MSI2: variants seen among roughly 807,000 people sequenced by gnomAD.
The protein encoded by MSI2 is musashi RNA binding protein 2.
In MSI2, 17 loss-of-function variants were observed where a neutral mutation model predicts 45.6. That is an observed-to-expected ratio of 0.37 (90% CI 0.26 to 0.56). MSI2 has a LOEUF of 0.56. Among genes scored for constraint, MSI2 ranks in the 20% least tolerant of loss-of-function variants. The pLI, the probability that MSI2 is intolerant of heterozygous loss-of-function variation, is 0.77. For missense variants in MSI2, 293 were observed against 444.2 expected (o/e 0.66, Z 3.06); for synonymous variants, 156 against 158.2 (o/e 0.99, Z 0.11).
intron 5 of MSI2, among the ~76,000 whole-genome samples, chr17:57,334,112 A>C (rs751318873): frequency 2.0e-5 from 3 of 152,170 alleles, no homozygotes; most frequent in Non-Finnish European, 4.4e-5. Flanking sequence ...TTTGCTGAAC[A>C]CACGGATGCG....
At chr17:57,569,362 T>C (rs1287101105) in intron 7 of MSI2, among the ~76,000 whole-genome samples, 1 of 152,196 alleles carries the variant, frequency 6.6e-6, no homozygotes, top group Non-Finnish European at 1.5e-5. Context: ...AGAAAAGGCA[T>C]CTCTGCCCCA....
At chr17:57,602,415 C>T (rs1479358889) in intron 8 of MSI2, among the ~76,000 whole-genome samples, 1 of 152,130 alleles carries the variant, frequency 6.6e-6, no homozygotes. Flanking sequence ...TGCAGTGGCA[C>T]GATCTCGGCT....
At chr17:57,422,813 G>A (rs1004712811) in intron 6 of MSI2, among the ~76,000 whole-genome samples, 5 of 152,172 alleles carry the variant, frequency 3.3e-5, no homozygotes, top group African/African-American at 1.2e-4. Flanking sequence ...CTTTGTCAAA[G>A]ATTAGGCAAC....
intron 6 of MSI2, among the ~76,000 whole-genome samples, chr17:57,498,509 C>G (rs1024177405): frequency 2.0e-5 from 3 of 152,214 alleles, no homozygotes; most frequent in African/African-American, 7.2e-5. Context: ...TGGTGGAGAT[C>G]ATCTCTCCGA....
At chr17:57,425,328 A>G (rs1869712989) in intron 6 of MSI2, among the ~76,000 whole-genome samples, 1 of 152,222 alleles carries the variant, frequency 6.6e-6, no homozygotes, top group African/African-American at 2.4e-5. Context: ...AAACGAAAAG[A>G]CATACTAGAA....
At chr17:57,305,003 C>T (rs1259585117) in intron 5 of MSI2, among the ~76,000 whole-genome samples, 1 of 152,158 alleles carries the variant, frequency 6.6e-6, no homozygotes. Context: ...AAAAATAAGA[C>T]AAGCCAGGTC....
chr17:57,309,903 G>A (rs1323727511), intron 5 of MSI2, among the ~76,000 whole-genome samples: 3 of 152,292 alleles, frequency 2.0e-5, no homozygotes, highest in East Asian at 1.9e-4. Flanking sequence ...GGCCTGCCAC[G>A]AGAAGCTGGC....
chr17:57,547,339 A>T (rs1471883502), intron 7 of MSI2, among the ~76,000 whole-genome samples: 1 of 152,172 alleles, frequency 6.6e-6, no homozygotes, highest in Non-Finnish European at 1.5e-5. Flanking sequence ...CTCTAGAAAG[A>T]TCCCAGTGGC....
chr17:57,333,587 G>T (rs1218511973), intron 5 of MSI2, among the ~76,000 whole-genome samples: 1 of 151,990 alleles, frequency 6.6e-6, no homozygotes, highest in African/African-American at 2.4e-5. Flanking sequence ...ACAGGTGTGT[G>T]CCACCACACC....
chr17:57,397,313 A>T (rs1298316460), intron 5 of MSI2, among the ~76,000 whole-genome samples: 2 of 152,198 alleles, frequency 1.3e-5, no homozygotes, highest in African/African-American at 4.8e-5. Context: ...CAGCCTTCTC[A>T]CTGTATCCAG....
chr17:57,352,536 A>G (rs1475393743), intron 5 of MSI2, among the ~76,000 whole-genome samples: 1 of 152,190 alleles, frequency 6.6e-6, no homozygotes, highest in Non-Finnish European at 1.5e-5. Context: ...GTTTGTTCGG[A>G]CTCACACACT....
chr17:57,372,790 T>C (rs1598182602), intron 5 of MSI2, among the ~76,000 whole-genome samples: 1 of 152,356 alleles, frequency 6.6e-6, no homozygotes, highest in Admixed American at 6.5e-5. Flanking sequence ...TGAAGTTTTC[T>C]TACCTGGCAA....
intron 6 of MSI2, among the ~76,000 whole-genome samples, chr17:57,466,808 C>T (rs761512359): frequency 1.3e-5 from 2 of 151,490 alleles, no homozygotes; most frequent in Non-Finnish European, 2.9e-5. Context: ...AGGTTGCTGT[C>T]GGCAACATTT....
intron 5 of MSI2, among the ~76,000 whole-genome samples, chr17:57,376,661 C>G (rs1485611598): frequency 6.6e-6 from 1 of 152,172 alleles, no homozygotes; most frequent in Non-Finnish European, 1.5e-5. Context: ...TCTTCCTTAC[C>G]CCTTTGAAGA....
At chr17:57,366,356 G>A (rs1323053291) in intron 5 of MSI2, among the ~76,000 whole-genome samples, 6 of 152,192 alleles carry the variant, frequency 3.9e-5, no homozygotes, top group Non-Finnish European at 5.9e-5. Context: ...CCCTTCTCAC[G>A]CCTCTTCCCT....
intron 10 of MSI2, chr17:57,631,624 T>C (rs780174529): frequency 1.1e-5 from 7 of 632,112 alleles, no homozygotes; most frequent in East Asian, 5.6e-5. Context: ...AACAGCTCCT[T>C]CTTCCCACAT....
At chr17:57,390,739 A>G (rs995296539) in intron 5 of MSI2, among the ~76,000 whole-genome samples, 1 of 152,202 alleles carries the variant, frequency 6.6e-6, no homozygotes, top group Non-Finnish European at 1.5e-5. Flanking sequence ...TGCTGATGAG[A>G]ACAGGCCTCG....
At chr17:57,342,761 A>T (rs1025906135) in intron 5 of MSI2, among the ~76,000 whole-genome samples, 5 of 152,204 alleles carry the variant, frequency 3.3e-5, no homozygotes, top group Non-Finnish European at 5.9e-5. Flanking sequence ...AGAAACCAAA[A>T]TACTACTACA....
chr17:57,529,273 A>AAAAAT lies in MSI2; in HGVS notation c.406-390_406-386dup, dbSNP rs935755703. On this transcript the variant is annotated intron_variant, in intron 6 of 13. Coordinates refer to ENST00000284073, the MANE Select transcript of MSI2 (RefSeq NM_138962.4). This position sits in a 1 kb window ranked among gnomAD's most constrained non-coding sequence, Gnocchi z 5.3. ...CAACATAGTGGGACCCTGTCTCTAA[A>AAAAAT]AAAATAAAATAAAATAACTGGGCAT... Among the ~76,000 whole-genome samples, 7 of 152,218 alleles carry AAAAAT rather than the reference A, an allele frequency of 4.6e-5. No homozygotes were observed. Among genetic ancestry groups the AAAAAT allele is most frequent in the Admixed American group, 6.5e-5 (1 of 15,290 alleles).
Sources: allele counts gnomAD v4.1 joint callset (sites outside exome capture counted in the v4.1 genomes callset), GRCh38; gene constraint gnomAD v4.1.1; non-coding constraint Gnocchi (gnomAD v3.1); transcripts MANE v1.5; gene names NCBI Gene and HGNC (gene_info 2026-07-23, HGNC 2026-07-21).